SRGAP1: variants seen among roughly 807,000 people sequenced by gnomAD.
The protein encoded by SRGAP1 is SLIT-ROBO Rho GTPase activating protein 1.
Under a neutral mutation model 121.9 loss-of-function variants are expected in SRGAP1, and 43 were observed. The ratio of observed to expected loss-of-function variants is 0.35; its 90% CI spans 0.28 to 0.46. SRGAP1 has a LOEUF of 0.46. Among genes scored for constraint, SRGAP1 ranks in the 20% least tolerant of loss-of-function variants. The pLI, the probability that SRGAP1 is intolerant of heterozygous loss-of-function variation, is 1.00. For missense variants in SRGAP1, 1,102 were observed against 1,350.9 expected (o/e 0.82, Z 2.89); for synonymous variants, 447 against 485.4 (o/e 0.92, Z 1.04).
Position 64,011,756 on chromosome 12 carries a change from G to A in SRGAP1, c.427-5194G>A, listed in dbSNP as rs145232055. Among the ~76,000 whole-genome samples the A allele has an allele frequency of 2.5e-3, 375 of 152,102 alleles. 2 individuals are homozygous for A. The highest frequency in any genetic ancestry group is 8.3e-3 in the African/African-American group (343 of 41,466). On this transcript the variant is annotated intron_variant, in intron 3 of 21. Transcript: ENST00000355086. ...ATATAATTACATGTAAAAATGTATC[G>A]TAACTTAAAAAAATAGGAAAATATA... is the stretch of plus-strand genomic sequence containing the variant.
chr12:63,996,176 C>T (rs1041119407), intron 3 of SRGAP1, among the ~76,000 whole-genome samples: 2 of 151,612 alleles, frequency 1.3e-5, no homozygotes, highest in Non-Finnish European at 2.9e-5. Flanking sequence ...AATAATTACC[C>T]ATATTAACAC....
At chr12:63,932,942 C>G (rs1327959266) in intron 1 of SRGAP1, among the ~76,000 whole-genome samples, 1 of 152,182 alleles carries the variant, frequency 6.6e-6, no homozygotes, top group African/African-American at 2.4e-5. Context: ...TTAATCCCAG[C>G]ACTTTGGGAG....
chr12:63,872,242 A>G (rs1447983403), intron 1 of SRGAP1, among the ~76,000 whole-genome samples: 1 of 152,224 alleles, frequency 6.6e-6, no homozygotes, highest in Non-Finnish European at 1.5e-5. Context: ...CAATAGTTAT[A>G]TGGGAACTAC....
intron 1 of SRGAP1, among the ~76,000 whole-genome samples, chr12:63,914,543 A>G (rs1464596044): frequency 6.6e-6 from 1 of 152,208 alleles, no homozygotes; most frequent in African/African-American, 2.4e-5. Context: ...TTTCCGTGTG[A>G]ACAAAATGGG....
intron 17 of SRGAP1, among the ~76,000 whole-genome samples, chr12:64,113,421 A>T (rs111304904): frequency 6.6e-6 from 1 of 152,092 alleles, no homozygotes; most frequent in African/African-American, 2.4e-5. Flanking sequence ...AAAATAAAAA[A>T]ATTTAGAAGG....
chr12:63,907,468 G>T (rs1358449034), intron 1 of SRGAP1, among the ~76,000 whole-genome samples: 2 of 152,076 alleles, frequency 1.3e-5, no homozygotes, highest in South Asian at 2.1e-4. Flanking sequence ...ATCCTGGGAG[G>T]TGGAGGTTGC....
intron 1 of SRGAP1, among the ~76,000 whole-genome samples, chr12:63,906,724 G>A (rs1384228752): frequency 6.6e-6 from 1 of 152,132 alleles, no homozygotes; most frequent in Non-Finnish European, 1.5e-5. Flanking sequence ...AAGCTAAAAT[G>A]ATGATACAGA....
intron 1 of SRGAP1, among the ~76,000 whole-genome samples, chr12:63,865,676 G>A (rs1007300560): frequency 5.3e-5 from 8 of 152,290 alleles, no homozygotes; most frequent in African/African-American, 1.7e-4. Flanking sequence ...CTTTTGAAGC[G>A]TTGGTCGAGT....
chr12:63,865,633 A>G (rs1385241515), intron 1 of SRGAP1, among the ~76,000 whole-genome samples: 1 of 152,226 alleles, frequency 6.6e-6, no homozygotes, highest in Admixed American at 6.5e-5. Flanking sequence ...AATATGGTGG[A>G]TGAAGCAAAA....
At chr12:63,900,229 G>A (rs1900903648) in intron 1 of SRGAP1, among the ~76,000 whole-genome samples, 1 of 6,774 alleles carries the variant, frequency 1.5e-4, no homozygotes, top group Non-Finnish European at 4.3e-4. Flanking sequence ...TTTTTGAGGT[G>A]GAGCCTCGCT....
chr12:64,043,440 A>G lies in SRGAP1; in HGVS notation c.673-7A>G, dbSNP rs767725925. 119 of 1,605,720 alleles carry G rather than the reference A, an allele frequency of 7.4e-5. No individual in the cohort carries two copies. Among genetic ancestry groups the G allele is most frequent in the Non-Finnish European group, 9.8e-5 (115 of 1,177,726 alleles). On this transcript the variant is annotated splice_polypyrimidine_tract_variant and splice_region_variant and intron_variant, in intron 5 of 21. Transcript: ENST00000355086. ...CTTTCCCAATGCCTGGATCTTCTTC[A>G]TTCCAGAGACAAGCAAAATATTCAG...
At chr12:64,044,636 G>A (rs566314434) in intron 6 of SRGAP1, among the ~76,000 whole-genome samples, 13 of 134,016 alleles carry the variant, frequency 9.7e-5, no homozygotes, top group African/African-American at 3.2e-4. Context: ...GTTGAGGGAA[G>A]GAATTATTTT....
rs530053380 is a variant in SRGAP1 at position 63,902,520 on chromosome 12, C to G, written c.67+57637C>G. On this transcript the variant is annotated intron_variant, in intron 1 of 21. Transcript: ENST00000355086. ...CTAACCACAGTTACCCATAATCATGCTTTTACTGCCTATTCAGAGAGACTG... is the reference window on the plus strand; with the variant it reads ...CTAACCACAGTTACCCATAATCATGGTTTTACTGCCTATTCAGAGAGACTG... Among the ~76,000 whole-genome samples, 3 of 152,294 alleles carry G rather than the reference C, an allele frequency of 2.0e-5. No individual in the cohort carries two copies. The East Asian group carries it at 5.8e-4, about 29-fold the overall frequency.
At chr12:64,044,175 T>C (rs1169068179) in intron 6 of SRGAP1, among the ~76,000 whole-genome samples, 2 of 152,204 alleles carry the variant, frequency 1.3e-5, no homozygotes, top group Admixed American at 6.5e-5. Flanking sequence ...CTAATACATA[T>C]TCATTATATG....
intron 1 of SRGAP1, among the ~76,000 whole-genome samples, chr12:63,973,910 CT>C (rs2033025948): frequency 6.6e-6 from 1 of 152,158 alleles, no homozygotes. Context: ...TGCCTTGAAC[CT>C]TTGTCAGTAA....
chr12:64,091,485 C>A, intron 12 of SRGAP1, 107 bp downstream of exon 12: 1 of 682,392 alleles, frequency 1.5e-6, no homozygotes, highest in Non-Finnish European at 2.3e-6. Context: ...TGTCCTGGGG[C>A]TCTTTGCTTT....
intron 4 of SRGAP1, among the ~76,000 whole-genome samples, chr12:64,032,922 AC>A (rs1474542721): frequency 6.6e-6 from 1 of 152,170 alleles, no homozygotes; most frequent in East Asian, 1.9e-4. Context: ...TTATCATTAT[AC>A]AAAGTATGTG....
intron 21 of SRGAP1, among the ~76,000 whole-genome samples, chr12:64,141,891 G>C (rs1326726160): frequency 6.6e-6 from 1 of 152,138 alleles, no homozygotes; most frequent in Non-Finnish European, 1.5e-5. Flanking sequence ...CAGCTACTCA[G>C]GAGGTAGGAG....
chr12:63,938,227 C>T (rs2031735724), intron 1 of SRGAP1, among the ~76,000 whole-genome samples: 1 of 152,188 alleles, frequency 6.6e-6, no homozygotes, highest in East Asian at 1.9e-4. Flanking sequence ...TGGTTTGGTG[C>T]CTCCTCTGCT....
Sources: allele counts gnomAD v4.1 joint callset (sites outside exome capture counted in the v4.1 genomes callset), GRCh38; gene constraint gnomAD v4.1.1; transcripts MANE v1.5; gene names NCBI Gene and HGNC (gene_info 2026-07-23, HGNC 2026-07-21).